The following EPB41L3 variants were observed in gnomAD, a reference collection of about 807,000 sequenced individuals.
EPB41L3 encodes erythrocyte membrane protein band 4.1 like 3.
EPB41L3 carries 57 observed loss-of-function variants against 127.1 expected under a neutral mutation model. The ratio of observed to expected loss-of-function variants is 0.45; its 90% CI spans 0.36 to 0.56. The LOEUF (loss-of-function observed/expected upper bound fraction) is 0.56. Among genes scored for constraint, EPB41L3 ranks in the 20% least tolerant of loss-of-function variants. The pLI is 0.00. For synonymous variants in EPB41L3, 572 were observed against 549.5 expected (o/e 1.04, Z -0.57); for missense variants, 1,273 against 1,372.2 (o/e 0.93, Z 1.14).
At chr18:5,581,829 T>C (rs1372878716) in intron 3 of EPB41L3, among the ~76,000 whole-genome samples, 1 of 152,108 alleles carries the variant, frequency 6.6e-6, no homozygotes, top group African/African-American at 2.4e-5. Flanking sequence ...AGACTCTATC[T>C]CTACAAAAAG....
intron 1 of EPB41L3, among the ~76,000 whole-genome samples, chr18:5,530,797 C>T (rs34292654): frequency 0.021 from 3,207 of 152,228 alleles, 50 homozygotes; most frequent in Admixed American, 0.031. Flanking sequence ...CCTTTGTGTG[C>T]CTTTCATGCC....
intron 1 of EPB41L3, among the ~76,000 whole-genome samples, chr18:5,519,796 A>G (rs1045915931): frequency 6.6e-6 from 1 of 152,196 alleles, no homozygotes; most frequent in African/African-American, 2.4e-5. Flanking sequence ...ACATTTGCGG[A>G]TTTAGCTGAG....
rs1449449478 is a variant in EPB41L3 at position 5,407,684 on chromosome 18, T to C, written c.2157+17A>G. 5 of 1,613,656 alleles carry C rather than the reference T, an allele frequency of 3.1e-6. No individual in the cohort carries two copies. The African/African-American group carries it at 5.3e-5, about 17-fold the overall frequency. The stretch of plus-strand genomic sequence containing the variant: ...GTTTTGTTGTTGTTGTTGTTTGTTT[T>C]ATTTTTAATTTTCTACCTGTGCCTT... On this transcript the variant is annotated intron_variant, in intron 15 of 22. Transcript: ENST00000341928.
At chr18:5,594,489 G>GA (rs1294309081) in intron 3 of EPB41L3, among the ~76,000 whole-genome samples, 2 of 152,026 alleles carry the variant, frequency 1.3e-5, no homozygotes, top group South Asian at 2.1e-4. Flanking sequence ...AAAATATACG[G>GA]AAAAAAATAA....
chr18:5,469,859 T>A lies in EPB41L3; in HGVS notation c.381+8382A>T, dbSNP rs565493596. Among the ~76,000 whole-genome samples the A allele has an allele frequency of 2.0e-3, 307 of 151,554 alleles. 2 individuals are homozygous for A. The highest frequency in any genetic ancestry group is 7.2e-3 in the African/African-American group (298 of 41,300). On this transcript the variant is annotated intron_variant, in intron 3 of 22. Transcript: ENST00000341928. Reference sequence around the variant, plus strand: ...CGCAATCTTGGCTCACTGCAACCTCTGCCTCCCGGGTCCCGGTTCAAGCAA... The same window carrying A: ...CGCAATCTTGGCTCACTGCAACCTCAGCCTCCCGGGTCCCGGTTCAAGCAA...
intron 10 of EPB41L3, 80 bp downstream of exon 10, chr18:5,424,182 A>G (rs1292531489): frequency 5.1e-6 from 5 of 977,618 alleles, no homozygotes; most frequent in Non-Finnish European, 7.2e-6. Flanking sequence ...ATAAAATTCC[A>G]TATTTTTTAT....
chr18:5,581,956 C>A (rs779223000), intron 3 of EPB41L3, among the ~76,000 whole-genome samples: 1 of 152,090 alleles, frequency 6.6e-6, no homozygotes, highest in African/African-American at 2.4e-5. Flanking sequence ...ATGACTGTAC[C>A]GCTGCTCTCC....
At chr18:5,485,702 C>T (rs184021645) in intron 2 of EPB41L3, among the ~76,000 whole-genome samples, 4 of 152,092 alleles carry the variant, frequency 2.6e-5, no homozygotes, top group Admixed American at 1.3e-4. Flanking sequence ...CAATGGTAAA[C>T]TATCTGAAAA....
In EPB41L3 at chr18:5,543,001, G is replaced by A. The variant is rs755737025; in HGVS notation, c.-12+912C>T. On this transcript the variant is annotated intron_variant, in intron 1 of 22. Transcript: ENST00000341928. The surrounding 1 kb of genome is among the most constrained non-coding windows in gnomAD (Gnocchi z 5.2). ...AAGCCCTAGCCTCCCCACCCCCACC[G>A]CGGCAGAGCCGCCTTCGCAGACACC... is the stretch of plus-strand genomic sequence containing the variant. Among the ~76,000 whole-genome samples the A allele has an allele frequency of 6.6e-6, 1 of 152,104 alleles. No homozygotes were observed. The highest frequency in any genetic ancestry group is 1.5e-5 in the Non-Finnish European group (1 of 67,998).
intron 1 of EPB41L3, among the ~76,000 whole-genome samples, chr18:5,542,729 A>C (rs567115403): frequency 1.1e-4 from 17 of 152,344 alleles, no homozygotes; most frequent in African/African-American, 4.1e-4. Flanking sequence ...GAAAAACCCT[A>C]GAAAACTTCA....
At chr18:5,445,896 G>A (rs2081404079) in intron 3 of EPB41L3, among the ~76,000 whole-genome samples, 1 of 152,190 alleles carries the variant, frequency 6.6e-6, no homozygotes, top group Non-Finnish European at 1.5e-5. Flanking sequence ...GCCTGATGAT[G>A]TGAGGTGGAT....
intron 16 of EPB41L3, among the ~76,000 whole-genome samples, chr18:5,403,335 C>T (rs548995702): frequency 3.9e-5 from 6 of 152,160 alleles, no homozygotes; most frequent in South Asian, 2.1e-4. Flanking sequence ...TTGAAACAAT[C>T]GGCAATCAAA....
At chr18:5,588,321 C>T (rs1310259944) in intron 3 of EPB41L3, among the ~76,000 whole-genome samples, 2 of 151,876 alleles carry the variant, frequency 1.3e-5, no homozygotes, top group East Asian at 3.9e-4. Flanking sequence ...TTTAAACATG[C>T]CCTTAATAGT....
chr18:5,565,429 G>A (rs1053565336), intron 3 of EPB41L3, among the ~76,000 whole-genome samples: 1 of 151,466 alleles, frequency 6.6e-6, no homozygotes, highest in Non-Finnish European at 1.5e-5. Flanking sequence ...GAATAAAAGA[G>A]AGACTCAGGT....
intron 1 of EPB41L3, among the ~76,000 whole-genome samples, chr18:5,614,610 G>C (rs62079267): frequency 0.3 from 44,820 of 151,832 alleles, 7,247 homozygotes; most frequent in Middle Eastern, 0.38. Context: ...TTGTACCTCT[G>C]CCCTCTGAAG....
At position 5,407,690 on chromosome 18, in the gene EPB41L3, T is replaced by C; in HGVS notation, c.2157+11A>G. Reference sequence around the variant, plus strand: ...TTGTTGTTGTTGTTTGTTTTATTTTTAATTTTCTACCTGTGCCTTGAGCTC... The same window carrying C: ...TTGTTGTTGTTGTTTGTTTTATTTTCAATTTTCTACCTGTGCCTTGAGCTC... On this transcript the variant is annotated intron_variant, in intron 15 of 22. Coordinates refer to ENST00000341928, the MANE Select transcript of EPB41L3 (RefSeq NM_012307.5). 6.2e-7 allele frequency: 1 copy of C among 1,613,798 alleles called. No individual in the cohort carries two copies. The highest frequency in any genetic ancestry group is 8.5e-7 in the Non-Finnish European group (1 of 1,179,786).
intron 1 of EPB41L3, among the ~76,000 whole-genome samples, chr18:5,525,946 G>A (rs907629272): frequency 6.6e-6 from 1 of 152,080 alleles, no homozygotes; most frequent in Admixed American, 6.6e-5. Flanking sequence ...TATAAGGATG[G>A]TAATGATGCT....
intron 2 of EPB41L3, among the ~76,000 whole-genome samples, chr18:5,488,149 T>C (rs960775974): frequency 6.6e-6 from 1 of 152,086 alleles, no homozygotes; most frequent in Non-Finnish European, 1.5e-5. Flanking sequence ...CTCAAACATG[T>C]ACAGGGAAAA....
At chr18:5,524,003 G>GTA (rs1345390698) in intron 1 of EPB41L3, among the ~76,000 whole-genome samples, 1 of 151,964 alleles carries the variant, frequency 6.6e-6, no homozygotes. Context: ...ATATGTGTGT[G>GTA]TATATATGTG....
Sources: gnomAD v4.1 joint callset for allele counts (sites outside exome capture counted in the v4.1 genomes callset) on GRCh38, gnomAD v4.1.1 for gene constraint, Gnocchi (gnomAD v3.1) non-coding constraint, MANE v1.5 for transcripts, NCBI Gene and HGNC (gene_info 2026-07-23, HGNC 2026-07-21) for gene names.